Variants in SLC8A1 observed in about 807,000 individuals in gnomAD.
SLC8A1 encodes solute carrier family 8 member A1.
A neutral mutation model predicts 68.3 loss-of-function variants in SLC8A1; 18 were observed. The observed-to-expected ratio is 0.26, with a 90% CI of 0.18 to 0.39. The LOEUF (loss-of-function observed/expected upper bound fraction) is 0.39, where lower values mean the gene tolerates loss of function less well. Among genes scored for constraint, SLC8A1 ranks in the 10% least tolerant of loss-of-function variants. The pLI is 1.00. For synonymous variants in SLC8A1, 475 were observed against 415.5 expected, an observed-to-expected ratio of 1.14 and a Z score of -1.74; for missense variants, 985 against 1,156.7, an observed-to-expected ratio of 0.85 and a Z score of 2.15.
rs530619877 is a variant in SLC8A1 at position 40,351,292 on chromosome 2, G to T, written c.1808+77181C>A. ...TACTACAGATTTGAAACATGCCATG[G>T]ATGATACATGATTCCTGACACCTCA... On this transcript the variant is annotated intron_variant, in intron 2 of 7. Transcript: ENST00000406785. 3.9e-5 allele frequency among the ~76,000 whole-genome samples: 6 copies of T among 152,176 alleles called. No homozygotes were observed. In the East Asian group the frequency reaches 1.2e-3, roughly 29 times the overall value.
At chr2:40,381,017 G>T (rs1340397432) in intron 2 of SLC8A1, among the ~76,000 whole-genome samples, 1 of 152,034 alleles carries the variant, frequency 6.6e-6, no homozygotes, top group Non-Finnish European at 1.5e-5. Context: ...TTAGACTGAA[G>T]AAACTTAGGA....
chr2:40,125,707 C>G (rs941237641), intron 7 of SLC8A1, among the ~76,000 whole-genome samples: 6 of 151,616 alleles, frequency 4.0e-5, no homozygotes, highest in Non-Finnish European at 8.8e-5. Context: ...ATTGTAATGC[C>G]CATCTTTCTT....
At chr2:40,146,377 G>GTCTC (rs1278461489) in intron 6 of SLC8A1, among the ~76,000 whole-genome samples, 1 of 152,208 alleles carries the variant, frequency 6.6e-6, no homozygotes, top group East Asian at 1.9e-4. Context: ...CAGGTTTAGA[G>GTCTC]TCTCTGGCAG....
chr2:40,428,648 G>C lies in SLC8A1; in HGVS notation c.1633C>G (p.Pro545Ala), dbSNP rs780717672. ...ATGCTCTCACTCACATGAGTCACAGGTTCCTCAAAAGTAAAAATGCCTGCG... is the reference window on the plus strand; with the variant it reads ...ATGCTCTCACTCACATGAGTCACAGCTTCCTCAAAAGTAAAAATGCCTGCG... Residue 545 changes from proline to alanine, a missense_variant, in exon 2 of 8, where the codon CCT (proline) becomes GCT (alanine). Pro to Ala is a conservative substitution (Grantham distance 27, BLOSUM62 -1). This residue lies in a region of SLC8A1 where 584 missense variants were observed against 565.9 expected (regional missense o/e 1.03). Coordinates refer to ENST00000406785, the Ensembl canonical transcript of SLC8A1. 2.0e-5 allele frequency: 32 copies of C among 1,613,640 alleles called. No individual in the cohort carries two copies. In the South Asian group the frequency reaches 3.2e-4, roughly 16 times the overall value.
chr2:40,285,035 C>T (rs1175056035), intron 2 of SLC8A1, among the ~76,000 whole-genome samples: 1 of 152,128 alleles, frequency 6.6e-6, no homozygotes, highest in Non-Finnish European at 1.5e-5. Flanking sequence ...GCCTCTCACA[C>T]AATCATCTTT....
intron 2 of SLC8A1, among the ~76,000 whole-genome samples, chr2:40,364,232 G>A (rs893478331): frequency 2.0e-5 from 3 of 151,916 alleles, no homozygotes; most frequent in African/African-American, 7.3e-5. Flanking sequence ...TCAATGCTCA[G>A]TATATGAATT....
At chr2:40,335,218 C>T (rs1665573904) in intron 2 of SLC8A1, among the ~76,000 whole-genome samples, 1 of 152,152 alleles carries the variant, frequency 6.6e-6, no homozygotes. Context: ...TCTTTTCTAT[C>T]ATTTTAGAAA....
At chr2:40,150,436 A>G (rs1203197098) in intron 6 of SLC8A1, among the ~76,000 whole-genome samples, 1 of 152,118 alleles carries the variant, frequency 6.6e-6, no homozygotes, top group Non-Finnish European at 1.5e-5. Flanking sequence ...TCCCCTACTG[A>G]AAACAGCATA....
At chr2:40,477,859 T>C (rs935211877) in intron 1 of SLC8A1, among the ~76,000 whole-genome samples, 1 of 152,188 alleles carries the variant, frequency 6.6e-6, no homozygotes, top group African/African-American at 2.4e-5. Context: ...TAGCTTGATG[T>C]GGCTTACTTT....
exon 8 of SLC8A1, chr2:40,115,173 G>T: frequency 9.7e-7 from 1 of 1,034,368 alleles, no homozygotes; most frequent in East Asian, 3.0e-5. Flanking sequence ...CATGACAAAT[G>T]TCAGTTTCCT....
intron 2 of SLC8A1, among the ~76,000 whole-genome samples, chr2:40,267,702 G>A (rs972511260): frequency 6.6e-6 from 1 of 152,212 alleles, no homozygotes; most frequent in African/African-American, 2.4e-5. Flanking sequence ...CAGGTTGAGT[G>A]TTGTGCTACG....
At chr2:40,221,819 G>T (rs918705581) in intron 2 of SLC8A1, among the ~76,000 whole-genome samples, 4 of 152,132 alleles carry the variant, frequency 2.6e-5, no homozygotes, top group African/African-American at 9.7e-5. Context: ...GCTTACAAGG[G>T]ATGTGAAGGA....
At chr2:40,164,758 C>G in intron 5 of SLC8A1, 96 bp downstream of exon 8, 1 of 1,479,264 alleles carries the variant, frequency 6.8e-7, no homozygotes, top group Non-Finnish European at 9.2e-7. Flanking sequence ...ACATCTACTA[C>G]TCTTTCCAGG....
intron 2 of SLC8A1, among the ~76,000 whole-genome samples, chr2:40,352,829 C>A (rs939643365): frequency 1.3e-5 from 2 of 152,134 alleles, no homozygotes; most frequent in African/African-American, 2.4e-5. Flanking sequence ...GGAGAGGCCT[C>A]GATATGTCTG....
intron 2 of SLC8A1, among the ~76,000 whole-genome samples, chr2:40,389,886 C>T (rs1401891507): frequency 1.3e-5 from 2 of 150,306 alleles, no homozygotes; most frequent in Non-Finnish European, 1.5e-5. Flanking sequence ...AGCCAGTCTC[C>T]CCAAATCACC....
chr2:40,415,212 G>C (rs1242366113), intron 2 of SLC8A1, among the ~76,000 whole-genome samples: 1 of 152,154 alleles, frequency 6.6e-6, no homozygotes, highest in Non-Finnish European at 1.5e-5. Context: ...TCTCAGGGCT[G>C]GAGAGGTGGT....
rs552691910 is a variant in SLC8A1 at position 40,182,907 on chromosome 2, T to C, written c.1809-5052A>G. On this transcript the variant is annotated intron_variant, in intron 2 of 7. Coordinates refer to ENST00000406785, the Ensembl canonical transcript of SLC8A1. The stretch of plus-strand genomic sequence containing the variant: ...ATGTTGGGAGAAGATCAGGAAAGGA[T>C]GAAATGGAGGATTAAAGAGAAGAGA... Among the ~76,000 whole-genome samples the C allele has an allele frequency of 3.3e-5, 5 of 152,352 alleles. No individual in the cohort carries two copies. In the East Asian group the frequency reaches 9.6e-4, roughly 29 times the overall value.
chr2:40,394,103 C>T (rs1315498583), intron 2 of SLC8A1, among the ~76,000 whole-genome samples: 1 of 152,014 alleles, frequency 6.6e-6, no homozygotes, highest in Non-Finnish European at 1.5e-5. Context: ...CAGTAGTGCA[C>T]AGGACAGCCC....
intron 2 of SLC8A1, among the ~76,000 whole-genome samples, chr2:40,264,846 T>TA (rs34628560): frequency 2.6e-5 from 4 of 151,524 alleles, no homozygotes; most frequent in East Asian, 1.9e-4. Flanking sequence ...ACTTAAAGTA[T>TA]AAAAAAAAAA....
Sources: allele counts gnomAD v4.1 joint callset (sites outside exome capture counted in the v4.1 genomes callset), GRCh38; gene constraint gnomAD v4.1.1; regional missense constraint gnomAD v4.1.1; transcripts MANE v1.5; gene names NCBI Gene and HGNC (gene_info 2026-07-23, HGNC 2026-07-21).